The following FGFR2 variants were observed in gnomAD, a reference collection of about 807,000 sequenced individuals.
The protein encoded by FGFR2 is fibroblast growth factor receptor 2, also known as BEK fibroblast growth factor receptor.
Under a neutral mutation model 95.9 loss-of-function variants are expected in FGFR2, and 19 were observed. The observed-to-expected ratio is 0.20, with a 90% CI of 0.14 to 0.29. FGFR2 has a LOEUF of 0.29. FGFR2 is among the 10% of genes least tolerant of loss of function. The pLI, the probability that FGFR2 is intolerant of heterozygous loss-of-function variation, is 1.00. For synonymous variants in FGFR2, 392 were observed against 393.3 expected, an observed-to-expected ratio of 1.00 and a Z score of 0.04; for missense variants, 707 against 1,056.9, an observed-to-expected ratio of 0.67 and a Z score of 4.59.
chr10:121,586,846 T>C (rs1021792653), intron 2 of FGFR2, among the ~76,000 whole-genome samples: 5 of 152,188 alleles, frequency 3.3e-5, no homozygotes, highest in Non-Finnish European at 5.9e-5. Context: ...GAAGGAGACA[T>C]CTTCAAGACG....
chr10:121,518,010 C>G lies in FGFR2; in HGVS notation c.940-547G>C, dbSNP rs747821378. On this transcript the variant is annotated intron_variant, in intron 7 of 17. Coordinates refer to ENST00000358487, the MANE Select transcript of FGFR2 (RefSeq NM_000141.5). The surrounding 1 kb of genome is among the most constrained non-coding windows in gnomAD (Gnocchi z 4.0). ...ACTTCTGCGATACCATCTTGCCCTA[C>G]ATAGCATTGACAAAAAGAAATGGAA... The G allele has an allele frequency of 2.0e-6, 1 of 487,854 alleles. No individual in the cohort carries two copies. Among genetic ancestry groups the G allele is most frequent in the Non-Finnish European group, 4.0e-6 (1 of 251,256 alleles). The allele number at this position is 487,854 out of a possible 1,614,324, so 30.2% of individuals were successfully genotyped here. A position where few individuals can be genotyped will look rare whatever the true frequency, so the allele number is the denominator to read the frequency against.
At position 121,481,833 on chromosome 10, in the gene FGFR2, TA is replaced by T. The variant is rs1564846795; in HGVS notation, c.2302-1813del. 167 of 189,238 alleles carry T rather than the reference TA, an allele frequency of 8.8e-4. 6 individuals are homozygous for T. Among genetic ancestry groups the T allele is most frequent in the East Asian group, 3.1e-3 (27 of 8,630 alleles). The allele number at this position is 189,238 out of a possible 1,614,324, so 11.7% of individuals were successfully genotyped here. Reference sequence around the variant, plus strand: ...TGCTTTTCCCGGTTTCTTTCTTTTTTATTTTTATTTTTTTTTTTTTTGAGAC... The same window carrying T: ...TGCTTTTCCCGGTTTCTTTCTTTTTTTTTTTATTTTTTTTTTTTTTGAGAC... On this transcript the variant is annotated intron_variant, in intron 17 of 17. Transcript: ENST00000358487.
intron 9 of FGFR2, among the ~76,000 whole-genome samples, chr10:121,509,917 G>A (rs540877982): frequency 1.3e-5 from 2 of 152,146 alleles, no homozygotes; most frequent in East Asian, 3.9e-4. Context: ...CCCCAGGACT[G>A]ACAAACACAC....
At chr10:121,585,161 G>GA (rs886334338) in intron 2 of FGFR2, among the ~76,000 whole-genome samples, 1 of 151,972 alleles carries the variant, frequency 6.6e-6, no homozygotes, top group African/African-American at 2.4e-5. Flanking sequence ...CAACAGAGGG[G>GA]AAAAAAAATT....
rs1554861670 is a variant in FGFR2, at chr10:121,581,941, T to TTA, written c.109+11767_109+11768insTA. On this transcript the variant is annotated intron_variant, in intron 2 of 17. Coordinates refer to ENST00000358487, the MANE Select transcript of FGFR2 (RefSeq NM_000141.5). ...TTTGTTTATTTATTTTGATTTTTTT[T>TTA]TTTATTTTTGAGACAGAGTCTCACC... Among the ~76,000 whole-genome samples, 16 of 148,918 alleles carry TTA rather than the reference T, an allele frequency of 1.1e-4. No homozygotes were observed. In the East Asian group the frequency reaches 3.2e-3, roughly 30 times the overall value.
intron 5 of FGFR2, among the ~76,000 whole-genome samples, chr10:121,549,318 A>T (rs1855027294): frequency 6.6e-6 from 1 of 152,224 alleles, no homozygotes; most frequent in African/African-American, 2.4e-5. Context: ...ACCTACAGCA[A>T]TGATGGAGCT....
At chr10:121,563,357 G>A (rs995965411) in intron 4 of FGFR2, among the ~76,000 whole-genome samples, 2 of 152,098 alleles carry the variant, frequency 1.3e-5, no homozygotes, top group Non-Finnish European at 2.9e-5. Context: ...CTGGGTGACA[G>A]AACAAGACTG....
intron 11 of FGFR2, among the ~76,000 whole-genome samples, chr10:121,499,932 G>A (rs2133992784): frequency 6.6e-6 from 1 of 152,294 alleles, no homozygotes; most frequent in East Asian, 1.9e-4. Flanking sequence ...CCTTGGGAGG[G>A]ATGTGATGAC....
At chr10:121,490,871 C>T (rs111293844) in intron 13 of FGFR2, among the ~76,000 whole-genome samples, 5 of 152,160 alleles carry the variant, frequency 3.3e-5, no homozygotes, top group African/African-American at 4.8e-5. Context: ...AGCCCAGAAG[C>T]GGGAAAGCAA....
At chr10:121,510,949 G>A (rs1021360918) in intron 9 of FGFR2, among the ~76,000 whole-genome samples, 2 of 151,964 alleles carry the variant, frequency 1.3e-5, no homozygotes, top group African/African-American at 4.8e-5. Context: ...CTACAGGCAT[G>A]CATCACCACA....
At chr10:121,552,660 C>T (rs915095663) in intron 4 of FGFR2, among the ~76,000 whole-genome samples, 6 of 152,190 alleles carry the variant, frequency 3.9e-5, no homozygotes, top group Non-Finnish European at 5.9e-5. Flanking sequence ...GGCTGAAGTC[C>T]GGGAAAGCCA....
rs1213973014 is a variant in FGFR2 at position 121,560,752 on chromosome 10, T to C, written c.454+3750A>G. On this transcript the variant is annotated intron_variant, in intron 4 of 17. Coordinates refer to ENST00000358487, the MANE Select transcript of FGFR2 (RefSeq NM_000141.5). ...GAAGATACTTCCACTCACCTTATTATCCACTGTTTTACGAACAAGACCACT... is the reference window on the plus strand; with the variant it reads ...GAAGATACTTCCACTCACCTTATTACCCACTGTTTTACGAACAAGACCACT... Among the ~76,000 whole-genome samples the C allele has an allele frequency of 4.6e-5, 7 of 151,680 alleles. No individual in the cohort carries two copies. The East Asian group carries it at 1.4e-3, about 30-fold the overall frequency.
At position 121,573,842 on chromosome 10, in the gene FGFR2, TC is replaced by T. The variant is rs1355175132; in HGVS notation, c.110-8139del. Among the ~76,000 whole-genome samples, 4 of 152,100 alleles carry T rather than the reference TC, an allele frequency of 2.6e-5. No homozygotes were observed. The East Asian group carries it at 5.8e-4, about 22-fold the overall frequency. The stretch of plus-strand genomic sequence containing the variant: ...GAAGGGTAGTAAAATGGCCTTCGGT[TC>T]CCGGTGCCCTCCCACACCTCCTGCC... On this transcript the variant is annotated intron_variant, in intron 2 of 17. Coordinates refer to ENST00000358487, the MANE Select transcript of FGFR2 (RefSeq NM_000141.5).
intron 4 of FGFR2, among the ~76,000 whole-genome samples, chr10:121,560,877 G>A (rs1856858982): frequency 6.6e-6 from 1 of 152,126 alleles, no homozygotes; most frequent in South Asian, 2.1e-4. Context: ...GAGTTTCTGA[G>A]GCAGTGGGTC....
chr10:121,482,253 T>C (rs1326210753), intron 17 of FGFR2: 1 of 1,431,264 alleles, frequency 7.0e-7, no homozygotes, highest in African/African-American at 1.4e-5. Flanking sequence ...AACAACAATT[T>C]TGGCAGAAGA....
chr10:121,524,868 G>T (rs1039926513), intron 6 of FGFR2, among the ~76,000 whole-genome samples: 3 of 152,156 alleles, frequency 2.0e-5, no homozygotes, highest in Admixed American at 2.0e-4. Context: ...AACCCCTCAA[G>T]TTTGCAACTT....
At chr10:121,481,681 T>C (rs1046039710) in intron 17 of FGFR2, among the ~76,000 whole-genome samples, 1 of 152,284 alleles carries the variant, frequency 6.6e-6, no homozygotes, top group South Asian at 2.1e-4. Flanking sequence ...CCAGACAATA[T>C]GGCATTCTGC....
chr10:121,486,044 A>G (rs996873922), intron 15 of FGFR2, among the ~76,000 whole-genome samples: 79 of 152,328 alleles, frequency 5.2e-4, no homozygotes, highest in African/African-American at 1.5e-3. Context: ...TAGGATGAGG[A>G]ATCACATGCC....
At chr10:121,527,950 G>T (rs1428756068) in intron 6 of FGFR2, 1 of 152,306 alleles carries the variant, frequency 6.6e-6, no homozygotes, top group Non-Finnish European at 1.5e-5. Context: ...AAGATTATCA[G>T]CTGGTGTCTG....
Sources: allele counts gnomAD v4.1 joint callset (sites outside exome capture counted in the v4.1 genomes callset), GRCh38; gene constraint gnomAD v4.1.1; non-coding constraint Gnocchi (gnomAD v3.1); transcripts MANE v1.5; gene names NCBI Gene and HGNC (gene_info 2026-07-23, HGNC 2026-07-21).